Variants in PPFIA4 observed in about 807,000 individuals in gnomAD.
The protein encoded by PPFIA4 is PPFI scaffold protein A4.
A neutral mutation model predicts 145.7 loss-of-function variants in PPFIA4; 98 were observed. The ratio of observed to expected loss-of-function variants is 0.67; its 90% CI spans 0.57 to 0.80. The LOEUF (loss-of-function observed/expected upper bound fraction) is 0.80, where lower values mean the gene tolerates loss of function less well. PPFIA4 is among the 30% of genes least tolerant of loss of function. The pLI is 0.00. For missense variants in PPFIA4, 1,457 were observed against 1,632.7 expected (o/e 0.89, Z 1.85); for synonymous variants, 628 against 649.6 (o/e 0.97, Z 0.51).
intron 1 of PPFIA4, chr1:203,037,197 G>T (rs1464196056): frequency 2.7e-6 from 1 of 374,334 alleles, no homozygotes; most frequent in South Asian, 1.9e-5. Flanking sequence ...TGGGGAGGGG[G>T]TCCAGGTAGG....
At chr1:203,070,150 G>A (rs1001507186) in intron 27 of PPFIA4, among the ~76,000 whole-genome samples, 24 of 152,236 alleles carry the variant, frequency 1.6e-4, no homozygotes, top group Non-Finnish European at 2.8e-4. Flanking sequence ...AGTTTTGGAG[G>A]ATAGCAGTAA....
rs1206669807 is a variant in PPFIA4, at chr1:203,044,457, ATCT to A, written c.576+5_576+7del. On this transcript the variant is annotated splice_donor_5th_base_variant and intron_variant, in intron 5 of 29. Coordinates refer to ENST00000295706, the MANE Select transcript of PPFIA4 (RefSeq NM_001304331.2). ...GCTGGCAGGTGCCCACCAGCAGGTA[ATCT>A]GCCTGCTCACCCTCAGTCTGCAGCT... 6.5e-7 allele frequency: 1 copy of A among 1,550,034 alleles called. No homozygotes were observed. The highest frequency in any genetic ancestry group is 2.0e-5 in the Admixed American group (1 of 51,040).
chr1:203,047,581 A>T (rs978855397), intron 9 of PPFIA4, among the ~76,000 whole-genome samples: 2 of 152,110 alleles, frequency 1.3e-5, no homozygotes, highest in African/African-American at 4.8e-5. Context: ...ATCTCTGGAC[A>T]TCCATGACTG....
At position 203,048,363 on chromosome 1, in the gene PPFIA4, C is replaced by T. The variant is rs1431588259; in HGVS notation, c.1224+53C>T. 4 of 1,581,792 alleles carry T rather than the reference C, an allele frequency of 2.5e-6. No homozygotes were observed. The African/African-American group carries it at 4.0e-5, about 16-fold the overall frequency. ...CCCCCTCCTTCCCGCAGGACAGGCT[C>T]CCAGGGCGGTCTGTGGAAGGGGCAC... On this transcript the variant is annotated intron_variant, in intron 10 of 29. Coordinates refer to ENST00000295706, the MANE Select transcript of PPFIA4 (RefSeq NM_001304331.2). The surrounding 1 kb of genome is among the most constrained non-coding windows in gnomAD (Gnocchi z 5.8).
chr1:203,040,827 A>G (rs1659648224), intron 2 of PPFIA4, among the ~76,000 whole-genome samples: 1 of 152,224 alleles, frequency 6.6e-6, no homozygotes, highest in African/African-American at 2.4e-5. Flanking sequence ...ATTCAAGATC[A>G]TACAGCTAAC....
chr1:203,065,417 C>G (rs1224916300), intron 25 of PPFIA4, among the ~76,000 whole-genome samples: 1 of 152,030 alleles, frequency 6.6e-6, no homozygotes, highest in Non-Finnish European at 1.5e-5. Context: ...ATTGATAGGG[C>G]TGGGGAGAGA....
At chr1:203,066,569 GC>G (rs1312536715) in intron 25 of PPFIA4, among the ~76,000 whole-genome samples, 1 of 152,152 alleles carries the variant, frequency 6.6e-6, no homozygotes, top group East Asian at 1.9e-4. Flanking sequence ...TGAGTTCGCT[GC>G]CCCTGGAGGC....
At chr1:203,059,706 C>T in intron 20 of PPFIA4, 64 bp from the exon 21 acceptor site, 1 of 1,431,686 alleles carries the variant, frequency 7.0e-7, no homozygotes, top group Non-Finnish European at 9.7e-7. Context: ...CCAGTGGTCC[C>T]TGGAGCAAGA....
In PPFIA4 at chr1:203,068,319, T is replaced by G; in HGVS notation, c.3149-134T>G. On this transcript the variant is annotated intron_variant, in intron 26 of 29. Transcript: ENST00000295706. This position sits in a 1 kb window ranked among gnomAD's most constrained non-coding sequence, Gnocchi z 4.7. ...GGAGGAGAGAAAGAAGATATGGAAA[T>G]TTAGGGATGGAGTGGGGGTCAGAGA... The G allele has an allele frequency of 1.3e-6, 1 of 751,022 alleles. No individual in the cohort carries two copies. Among genetic ancestry groups the G allele is most frequent in the Non-Finnish European group, 2.0e-6 (1 of 501,614 alleles). 46.5% of individuals were successfully genotyped at this position (751,022 alleles called of 1,614,324 possible).
chr1:203,029,884 C>T (rs78166649), intron 1 of PPFIA4, among the ~76,000 whole-genome samples: 1,662 of 152,292 alleles, frequency 0.011, 60 homozygotes, highest in Admixed American at 0.069. Context: ...ACTGTATATA[C>T]TACTGTAGAG....
intron 1 of PPFIA4, chr1:203,035,132 C>T: frequency 5.6e-6 from 2 of 359,578 alleles, no homozygotes; most frequent in Non-Finnish European, 1.1e-5. Context: ...TTCAGATCCT[C>T]CTCTCACCTC....
rs1294524234 is a variant in PPFIA4 at position 203,043,207 on chromosome 1, A to T, written c.235-190A>T. On this transcript the variant is annotated intron_variant, in intron 2 of 29. Coordinates refer to ENST00000295706, the MANE Select transcript of PPFIA4 (RefSeq NM_001304331.2). This position sits in a 1 kb window ranked among gnomAD's most constrained non-coding sequence, Gnocchi z 4.4. ...CATGGAATGCATGGAGGACCCAGAG[A>T]TGTGGACCCCTCTGGAGAAGCACAT... Among the ~76,000 whole-genome samples the T allele has an allele frequency of 6.6e-6, 1 of 152,172 alleles. No homozygotes were observed. Among genetic ancestry groups the T allele is most frequent in the Non-Finnish European group, 1.5e-5 (1 of 68,026 alleles).
rs1662497158 is a variant in PPFIA4, at chr1:203,075,867, C to T, written c.3574+110C>T. ...AGGGGCGAGGCCGAGGCTGGTGCCCCGCGCTCCTGCGCTGCAGCTGCACTA... is the reference window on the plus strand; with the variant it reads ...AGGGGCGAGGCCGAGGCTGGTGCCCTGCGCTCCTGCGCTGCAGCTGCACTA... On this transcript the variant is annotated intron_variant, in intron 29 of 29. Transcript: ENST00000295706. The surrounding 1 kb of genome is among the most constrained non-coding windows in gnomAD (Gnocchi z 4.1). The T allele has an allele frequency of 2.8e-6, 3 of 1,089,046 alleles. No individual in the cohort carries two copies. The highest frequency in any genetic ancestry group is 3.2e-5 in the East Asian group (1 of 31,200). 67.5% of individuals were successfully genotyped at this position (1,089,046 alleles called of 1,614,324 possible). A position where few individuals can be genotyped will look rare whatever the true frequency, so the allele number is the denominator to read the frequency against.
intron 1 of PPFIA4, among the ~76,000 whole-genome samples, chr1:203,029,212 C>T (rs1329276073): frequency 6.6e-6 from 1 of 152,194 alleles, no homozygotes; most frequent in Non-Finnish European, 1.5e-5. Context: ...CAGCTCATTG[C>T]TCTGCCTTCA....
intron 15 of PPFIA4, 87 bp downstream of exon 15, chr1:203,054,048 A>G (rs1248883634): frequency 4.8e-5 from 68 of 1,410,198 alleles, no homozygotes; most frequent in Non-Finnish European, 6.2e-5. Flanking sequence ...GGTTTGCCCA[A>G]CTCTTATAGC....
At chr1:203,070,913 G>A (rs1219143810) in intron 27 of PPFIA4, among the ~76,000 whole-genome samples, 1 of 151,366 alleles carries the variant, frequency 6.6e-6, no homozygotes, top group East Asian at 1.9e-4. Flanking sequence ...TTCCAAGTAG[G>A]TGACGTCTCT....
Position 203,048,974 on chromosome 1 carries a change from C to T in PPFIA4, c.1413C>T (p.His471=). 1 of 1,548,496 alleles carries T rather than the reference C, an allele frequency of 6.5e-7. No individual in the cohort carries two copies. Among genetic ancestry groups the T allele is most frequent in the East Asian group, 2.4e-5 (1 of 40,864 alleles). The part of the protein sequence containing the change: ...SSQRQIEEQH[H]HKGRLSEEIE... ...AGCGGCAGATTGAGGAGCAGCACCA[C>T]CACAAGGTACCCGGCTGCGGCCAGC... is the stretch of plus-strand genomic sequence containing the variant. Residue 471 remains histidine, a synonymous_variant, in exon 12 of 30, where the codon CAC becomes CAT. Transcript: ENST00000295706. The surrounding 1 kb of genome is among the most constrained non-coding windows in gnomAD (Gnocchi z 5.8).
intron 1 of PPFIA4, among the ~76,000 whole-genome samples, chr1:203,028,196 G>GT (rs2102598533): frequency 6.6e-6 from 1 of 152,312 alleles, no homozygotes; most frequent in Non-Finnish European, 1.5e-5. Context: ...TTCGCATCCA[G>GT]TGGAGTTGGG....
intron 24 of PPFIA4, 87 bp from the exon 25 acceptor site, chr1:203,063,741 A>T (rs576877522): frequency 1.8e-4 from 254 of 1,373,840 alleles, no homozygotes; most frequent in Admixed American, 5.4e-4. Context: ...GGATGGATTC[A>T]TGTGTCTCCC....
Sources: gnomAD v4.1 joint callset for allele counts (sites outside exome capture counted in the v4.1 genomes callset) on GRCh38, gnomAD v4.1.1 for gene constraint, Gnocchi (gnomAD v3.1) non-coding constraint, MANE v1.5 for transcripts, NCBI Gene and HGNC (gene_info 2026-07-23, HGNC 2026-07-21) for gene names.